The following HECW2 variants were observed in gnomAD, a reference collection of about 807,000 sequenced individuals.
HECW2 encodes the protein HECT, C2 and WW domain containing E3 ubiquitin protein ligase 2.
HECW2 carries 61 observed loss-of-function variants against 175.2 expected under a neutral mutation model. The ratio of observed to expected loss-of-function variants is 0.35; its 90% CI spans 0.28 to 0.43. The LOEUF (loss-of-function observed/expected upper bound fraction) is 0.43. Ranked by LOEUF, HECW2 falls within the 20% of genes least tolerant of loss-of-function variation. The pLI is 1.00. For synonymous variants in HECW2, 671 were observed against 731.0 expected (o/e 0.92, Z 1.32); for missense variants, 1,524 against 2,000.5 (o/e 0.76, Z 4.54).
chr2:196,320,477 C>CGTAGTCAGGA, intron 7 of HECW2, 38 bp from the exon 8 acceptor site: 1 of 1,349,932 alleles, frequency 7.4e-7, no homozygotes, highest in Non-Finnish European at 1.1e-6. Context: ...CCTGACTACG[C>CGTAGTCAGGA]TGGAGTCAGC....
chr2:196,515,893 G>T (rs1452278625), intron 1 of HECW2, among the ~76,000 whole-genome samples: 1 of 151,756 alleles, frequency 6.6e-6, no homozygotes, highest in Non-Finnish European at 1.5e-5. Flanking sequence ...GGAGGTGGAG[G>T]TAGGCGGATC....
rs1466328768 is a variant in HECW2 at position 196,295,034 on chromosome 2, AAAG to A, written c.2815-2287_2815-2285del. Reference sequence around the variant, plus strand: ...AGGAAGGGAGGAGGAAGGGAAGAAGAAAGAAGACCACAATGAACCATCCTTGAA... The same window carrying A: ...AGGAAGGGAGGAGGAAGGGAAGAAGAAAGACCACAATGAACCATCCTTGAA... On this transcript the variant is annotated intron_variant, in intron 13 of 28. Transcript: ENST00000644978. Among the ~76,000 whole-genome samples, 34 of 152,240 alleles carry A rather than the reference AAAG, an allele frequency of 2.2e-4. 2 individuals are homozygous for A. The highest frequency in any genetic ancestry group is 8.0e-4 in the African/African-American group (33 of 41,458).
At chr2:196,377,200 G>A (rs755698838) in intron 2 of HECW2, among the ~76,000 whole-genome samples, 15 of 152,272 alleles carry the variant, frequency 9.9e-5, no homozygotes, top group South Asian at 4.2e-4. Flanking sequence ...TGAGAATCCC[G>A]AAGAGAGAGT....
chr2:196,554,001 G>A (rs1224959403), intron 1 of HECW2, among the ~76,000 whole-genome samples: 2 of 152,190 alleles, frequency 1.3e-5, no homozygotes, highest in African/African-American at 4.8e-5. Context: ...TGCCAGGGAG[G>A]GTAGCTCCCT....
At position 196,378,857 on chromosome 2, in the gene HECW2, C is replaced by T. The variant is rs151316873; in HGVS notation, c.293-35093G>A. 5.4e-3 allele frequency among the ~76,000 whole-genome samples: 816 copies of T among 152,188 alleles called. 8 individuals carry two copies. The highest frequency in any genetic ancestry group is 0.02 in the Middle Eastern group (6 of 294). On this transcript the variant is annotated intron_variant, in intron 2 of 28. Coordinates refer to ENST00000644978, the MANE Select transcript of HECW2 (RefSeq NM_001348768.2). ...CATTCTAACGAAGACATTACGCTGC[C>T]ACAACTTGAACCCACTAATCAATCT...
In HECW2 at chr2:196,272,113, T is replaced by C. The variant is rs184808003; in HGVS notation, c.3239-824A>G. Among the ~76,000 whole-genome samples the C allele has an allele frequency of 3.6e-3, 547 of 152,214 alleles. 4 individuals are homozygous for C. Among genetic ancestry groups the C allele is most frequent in the African/African-American group, 0.012 (515 of 41,542 alleles). On this transcript the variant is annotated intron_variant, in intron 16 of 28. Transcript: ENST00000644978. ...AGCCAGGGAGGTAAAGAGGCAGAAC[T>C]CAATTTGCCAAAATGTACTAGTTGG...
intron 2 of HECW2, among the ~76,000 whole-genome samples, chr2:196,348,566 T>C (rs908260121): frequency 2.0e-5 from 3 of 152,092 alleles, no homozygotes; most frequent in Non-Finnish European, 2.9e-5. Context: ...GGGTGTCCCT[T>C]GAGCCCAGGA....
At chr2:196,474,756 G>A (rs1686496988) in intron 1 of HECW2, among the ~76,000 whole-genome samples, 1 of 152,134 alleles carries the variant, frequency 6.6e-6, no homozygotes, top group Non-Finnish European at 1.5e-5. Flanking sequence ...GTACAGCATG[G>A]AATGTTATAA....
At chr2:196,316,893 A>T (rs545410707) in intron 10 of HECW2, 6 of 183,720 alleles carry the variant, frequency 3.3e-5, no homozygotes, top group Admixed American at 1.1e-4. Context: ...AAAAGGCAGT[A>T]TATTACATAG....
chr2:196,382,829 G>T (rs946681669), intron 2 of HECW2, among the ~76,000 whole-genome samples: 12 of 152,250 alleles, frequency 7.9e-5, no homozygotes, highest in Non-Finnish European at 1.3e-4. Flanking sequence ...AATGTAACCA[G>T]CCTCAATACT....
intron 1 of HECW2, among the ~76,000 whole-genome samples, chr2:196,506,033 TG>T (rs780042349): frequency 6.6e-6 from 1 of 151,900 alleles, no homozygotes; most frequent in African/African-American, 2.4e-5. Flanking sequence ...CGGGGAGGGA[TG>T]GGGCCACGTG....
chr2:196,362,065 T>C (rs1693604652), intron 2 of HECW2: 1 of 985,228 alleles, frequency 1.0e-6, no homozygotes, highest in African/African-American at 1.7e-5. Flanking sequence ...AGAAATGAAA[T>C]ACTAGACAGG....
intron 1 of HECW2, among the ~76,000 whole-genome samples, chr2:196,519,553 T>A (rs1400152900): frequency 1.3e-5 from 2 of 152,072 alleles, no homozygotes; most frequent in African/African-American, 4.8e-5. Context: ...AGAAAAAAAA[T>A]TTTGTTCTTG....
At chr2:196,517,155 A>G (rs1004642287) in intron 1 of HECW2, among the ~76,000 whole-genome samples, 1 of 152,140 alleles carries the variant, frequency 6.6e-6, no homozygotes, top group African/African-American at 2.4e-5. Context: ...ACAAGGAGGC[A>G]CTCATCTCAT....
intron 1 of HECW2, among the ~76,000 whole-genome samples, chr2:196,568,056 T>C (rs1232663524): frequency 6.6e-6 from 1 of 152,212 alleles, no homozygotes; most frequent in Non-Finnish European, 1.5e-5. Context: ...AAACATTGAA[T>C]TGTTCTAATT....
At chr2:196,276,739 C>T (rs1054937371) in intron 15 of HECW2, among the ~76,000 whole-genome samples, 1 of 152,130 alleles carries the variant, frequency 6.6e-6, no homozygotes, top group Non-Finnish European at 1.5e-5. Context: ...TTTGCACATA[C>T]CTCATCCTGT....
At chr2:196,212,444 G>C (rs11899658) in intron 28 of HECW2, among the ~76,000 whole-genome samples, 8,286 of 152,150 alleles carry the variant, frequency 0.054, 543 homozygotes, top group African/African-American at 0.15. Context: ...AGAAGATGTA[G>C]TATTTGGTTT....
intron 1 of HECW2, among the ~76,000 whole-genome samples, chr2:196,568,482 T>TA (rs1236834862): frequency 6.6e-6 from 1 of 152,134 alleles, no homozygotes; most frequent in Non-Finnish European, 1.5e-5. Context: ...TGAGCTTACT[T>TA]ATGATTTTTC....
At chr2:196,456,808 C>T (rs75001076) in intron 1 of HECW2, among the ~76,000 whole-genome samples, 3,137 of 152,200 alleles carry the variant, frequency 0.021, 95 homozygotes, top group African/African-American at 0.072. Flanking sequence ...GCAAAACATA[C>T]CAATTCAACA....
Sources: allele counts gnomAD v4.1 joint callset (sites outside exome capture counted in the v4.1 genomes callset), GRCh38; gene constraint gnomAD v4.1.1; transcripts MANE v1.5; gene names NCBI Gene and HGNC (gene_info 2026-07-23, HGNC 2026-07-21).